The following DNAI1 variants were observed in gnomAD, a reference collection of about 807,000 sequenced individuals.
The protein encoded by DNAI1 is dynein, axonemal, intermediate polypeptide 1.
A neutral mutation model predicts 92.0 loss-of-function variants in DNAI1; 67 were observed. The ratio of observed to expected loss-of-function variants is 0.73; its 90% CI spans 0.60 to 0.89. The LOEUF is 0.89. Ranked by LOEUF, DNAI1 falls within the 40% of genes least tolerant of loss-of-function variation. The pLI is 0.00. For missense variants in DNAI1, 839 were observed against 866.6 expected, an observed-to-expected ratio of 0.97 and a Z score of 0.40; for synonymous variants, 323 against 319.6, an observed-to-expected ratio of 1.01 and a Z score of -0.11.
At chr9:34,515,694 T>C (rs1374728444) in intron 18 of DNAI1, among the ~76,000 whole-genome samples, 2 of 152,204 alleles carry the variant, frequency 1.3e-5, no homozygotes, top group East Asian at 1.9e-4. Context: ...TGGAGGAACC[T>C]TGACAACATG....
intron 1 of DNAI1, among the ~76,000 whole-genome samples, chr9:34,471,033 A>C (rs1824125410): frequency 6.6e-6 from 1 of 152,196 alleles, no homozygotes; most frequent in Non-Finnish European, 1.5e-5. Context: ...ATCATAAGGA[A>C]ATTAGAAAAT....
chr9:34,484,164 G>A (rs953321765), intron 2 of DNAI1, among the ~76,000 whole-genome samples: 4 of 152,192 alleles, frequency 2.6e-5, no homozygotes, highest in Admixed American at 6.5e-5. Flanking sequence ...ATAGTGAGCC[G>A]AGATCGTGCC....
chr9:34,489,851 A>T, intron 5 of DNAI1, 161 bp from the exon 6 acceptor site: 1 of 708,734 alleles, frequency 1.4e-6, no homozygotes. Flanking sequence ...ACTCTGTCTC[A>T]AAAAAAAAAG....
intron 10 of DNAI1, among the ~76,000 whole-genome samples, chr9:34,497,877 C>T (rs751109471): frequency 4.6e-5 from 7 of 152,190 alleles, no homozygotes; most frequent in Non-Finnish European, 8.8e-5. Context: ...CAAGGGACAG[C>T]AGGCTCCCTG....
chr9:34,473,372 A>G (rs1291969145), intron 1 of DNAI1, among the ~76,000 whole-genome samples: 1 of 151,656 alleles, frequency 6.6e-6, no homozygotes, highest in Non-Finnish European at 1.5e-5. Context: ...AGCTCACTGC[A>G]ACCTCCGCCT....
At chr9:34,512,539 G>T (rs1825087125) in intron 15 of DNAI1, 115 bp downstream of exon 15, 3 of 1,043,272 alleles carry the variant, frequency 2.9e-6, no homozygotes, top group Non-Finnish European at 4.4e-6. Flanking sequence ...CTGTGCCAGG[G>T]CCTGACAGGA....
chr9:34,478,330 A>G (rs1824277777), intron 1 of DNAI1, among the ~76,000 whole-genome samples: 1 of 152,206 alleles, frequency 6.6e-6, no homozygotes, highest in Non-Finnish European at 1.5e-5. Flanking sequence ...GGTCAAGCAT[A>G]TATCCCTGGA....
chr9:34,492,523 T>TATAGATATAG (rs1824629466), intron 8 of DNAI1, among the ~76,000 whole-genome samples: 1 of 118,864 alleles, frequency 8.4e-6, no homozygotes, highest in African/African-American at 2.9e-5. Flanking sequence ...TATATATATA[T>TATAGATATAG]ATATATATAT....
At chr9:34,488,879 T>C (rs1258779544) in intron 4 of DNAI1, among the ~76,000 whole-genome samples, 4 of 152,192 alleles carry the variant, frequency 2.6e-5, no homozygotes, top group Non-Finnish European at 5.9e-5. Context: ...ACTAGGGGAT[T>C]GGGGTTGTCT....
At chr9:34,475,242 T>A (rs546476483) in intron 1 of DNAI1, among the ~76,000 whole-genome samples, 1 of 152,342 alleles carries the variant, frequency 6.6e-6, no homozygotes, top group Admixed American at 6.5e-5. Context: ...TAGTTTCAAT[T>A]TAGCTTAATG....
chr9:34,493,072 A>G, intron 8 of DNAI1, 122 bp from the exon 9 acceptor site: 4 of 1,317,948 alleles, frequency 3.0e-6, no homozygotes, highest in Non-Finnish European at 4.4e-6. Flanking sequence ...CCAACAGGCC[A>G]AGTAGAAGAT....
Position 34,485,265 on chromosome 9 carries a change from G to A in DNAI1, c.180+25G>A, listed in dbSNP as rs775025806. On this transcript the variant is annotated intron_variant, in intron 3 of 19. Coordinates refer to ENST00000242317, the MANE Select transcript of DNAI1 (RefSeq NM_012144.4). ...GGTGAGTGAGTAGCCTCTTGTTCTTGCTCCTTGTACCTCTTCCAGTTTCGG... is the reference window on the plus strand; with the variant it reads ...GGTGAGTGAGTAGCCTCTTGTTCTTACTCCTTGTACCTCTTCCAGTTTCGG... 32 of 1,613,540 alleles carry A rather than the reference G, an allele frequency of 2.0e-5. No individual in the cohort carries two copies. The South Asian group carries it at 3.0e-4, about 15-fold the overall frequency.
chr9:34,485,568 G>A (rs1824454641), intron 4 of DNAI1, 51 bp downstream of exon 4: 1 of 1,555,450 alleles, frequency 6.4e-7, no homozygotes, highest in South Asian at 1.1e-5. Context: ...TCCTTGGAGT[G>A]ACAGTGACTT....
At chr9:34,492,506 A>AGATATC (rs1824626236) in intron 8 of DNAI1, among the ~76,000 whole-genome samples, 1 of 55,408 alleles carries the variant, frequency 1.8e-5, no homozygotes, top group African/African-American at 6.3e-5. Flanking sequence ...ATATATATAT[A>AGATATC]TATATATATA....
rs1825105889 is a variant in DNAI1, at chr9:34,513,194, G to A, written c.1569+3G>A. On this transcript the variant is annotated splice_donor_region_variant and intron_variant, in intron 16 of 19. Transcript: ENST00000242317. ...CAGAGGAGGGAAAAATCTACAAGGT[G>A]AGGCTGCCCTGTGCCAGCTCCTTAG... 6.2e-7 allele frequency: 1 copy of A among 1,613,496 alleles called. No individual in the cohort carries two copies. The highest frequency in any genetic ancestry group is 8.5e-7 in the Non-Finnish European group (1 of 1,179,484).
At chr9:34,492,525 T>TCTATAG (rs1163451348) in intron 8 of DNAI1, among the ~76,000 whole-genome samples, 1 of 101,314 alleles carries the variant, frequency 9.9e-6, no homozygotes, top group African/African-American at 3.5e-5. Context: ...TATATATATA[T>TCTATAG]ATATATATAT....
At chr9:34,493,448 T>A in intron 9 of DNAI1, 120 bp downstream of exon 9, 1 of 1,381,498 alleles carries the variant, frequency 7.2e-7, no homozygotes, top group Non-Finnish European at 1.0e-6. Context: ...GGGACTAATG[T>A]TGAGATATAA....
At position 34,514,531 on chromosome 9, in the gene DNAI1, C is replaced by T; in HGVS notation, c.1707C>T (p.Asp569=). 1 of 1,614,210 alleles carries T rather than the reference C, an allele frequency of 6.2e-7. No individual in the cohort carries two copies. The highest frequency in any genetic ancestry group is 2.2e-5 in the East Asian group (1 of 44,892). The part of the protein sequence containing the change: ...CSSDWTVKIW[D]HTIKTPMFIY... Reference sequence around the variant, plus strand: ...CCGACTGGACAGTGAAGATCTGGGACCACACCATCAAGTGAGGGGCCTGTT... The same window carrying T: ...CCGACTGGACAGTGAAGATCTGGGATCACACCATCAAGTGAGGGGCCTGTT... The change falls in exon 17 of 20, where the codon GAC becomes GAT. Residue 569 remains aspartate (D), a synonymous_variant. Transcript: ENST00000242317.
Position 34,485,534 on chromosome 9 carries a change from T to C in DNAI1, c.261+17T>C. ...AGCTTCAAAGTAAGTCATCCCCTCCTGGGCAGGGGCATCTATACCCATCTC... is the reference window on the plus strand; with the variant it reads ...AGCTTCAAAGTAAGTCATCCCCTCCCGGGCAGGGGCATCTATACCCATCTC... On this transcript the variant is annotated intron_variant, in intron 4 of 19. Coordinates refer to ENST00000242317, the MANE Select transcript of DNAI1 (RefSeq NM_012144.4). 6.2e-7 allele frequency: 1 copy of C among 1,612,098 alleles called. No individual in the cohort carries two copies.
Sources: allele counts gnomAD v4.1 joint callset (sites outside exome capture counted in the v4.1 genomes callset), GRCh38; gene constraint gnomAD v4.1.1; transcripts MANE v1.5; gene names NCBI Gene and HGNC (gene_info 2026-07-23, HGNC 2026-07-21).